PCDHGA6: variants seen among roughly 807,000 people sequenced by gnomAD.
PCDHGA6 encodes protocadherin gamma subfamily A, 6.
In PCDHGA6, 41 loss-of-function variants were observed where a neutral mutation model predicts 60.6. That is an observed-to-expected ratio of 0.68 (90% CI 0.53 to 0.88). The LOEUF is 0.88. PCDHGA6 is among the 40% of genes least tolerant of loss of function. The pLI, the probability that PCDHGA6 is intolerant of heterozygous loss-of-function variation, is 0.00. For synonymous variants in PCDHGA6, 594 were observed against 524.4 expected, an observed-to-expected ratio of 1.13 and a Z score of -1.81; for missense variants, 1,312 against 1,203.0, an observed-to-expected ratio of 1.09 and a Z score of -1.34.
intron 1 of PCDHGA6, chr5:141,423,979 G>A: frequency 9.0e-7 from 1 of 1,115,484 alleles, no homozygotes. Flanking sequence ...CAGTGTATGA[G>A]GCTCTCAATT....
At chr5:141,465,840 A>G (rs1212861707) in intron 1 of PCDHGA6, among the ~76,000 whole-genome samples, 1 of 151,734 alleles carries the variant, frequency 6.6e-6, no homozygotes, top group Non-Finnish European at 1.5e-5. Context: ...ATTTCAACTG[A>G]GGCTGGGCCC....
intron 1 of PCDHGA6, chr5:141,409,602 C>T (rs940700383): frequency 6.2e-7 from 1 of 1,613,932 alleles, no homozygotes; most frequent in South Asian, 1.1e-5. Flanking sequence ...AACAACCCGC[C>T]AGGAGCCTCC....
Position 141,432,483 on chromosome 5 carries a change from T to C in PCDHGA6, c.2424+55976T>C, listed in dbSNP as rs776090923. The C allele has an allele frequency of 6.2e-7, 1 of 1,614,136 alleles. No homozygotes were observed. The highest frequency in any genetic ancestry group is 1.1e-5 in the South Asian group (1 of 91,078). ...CTCCCCACGGACGGTTCCACTGGCG[T>C]GGAGCTGGCTCCCCGCTCCGCAGAG... On this transcript the variant is annotated intron_variant, in intron 1 of 3. Coordinates refer to ENST00000517434, the MANE Select transcript of PCDHGA6 (RefSeq NM_018919.3). The surrounding 1 kb of genome is among the most constrained non-coding windows in gnomAD (Gnocchi z 6.0).
intron 2 of PCDHGA6, among the ~76,000 whole-genome samples, chr5:141,502,866 C>CTTTTTCTT (rs2099816520): frequency 1.6e-5 from 2 of 128,030 alleles, no homozygotes; most frequent in African/African-American, 6.2e-5. Flanking sequence ...GACTCTCTGT[C>CTTTTTCTT]TTTTTTTTTT....
intron 1 of PCDHGA6, chr5:141,430,640 G>A (rs902915974): frequency 1.1e-6 from 1 of 916,196 alleles, no homozygotes; most frequent in East Asian, 2.7e-5. Flanking sequence ...ATCCCTGGGA[G>A]TATGTGGAAA....
intron 2 of PCDHGA6, among the ~76,000 whole-genome samples, chr5:141,503,166 A>T (rs1246987375): frequency 1.3e-5 from 2 of 151,884 alleles, no homozygotes; most frequent in Admixed American, 1.3e-4. Context: ...CACAATTGCA[A>T]TTACTCTATT....
At chr5:141,462,335 A>G in intron 1 of PCDHGA6, among the ~76,000 whole-genome samples, 1 of 152,220 alleles carries the variant, frequency 6.6e-6, no homozygotes, top group East Asian at 1.9e-4. Context: ...ATTTAATTGT[A>G]TTGTGATCCA....
In PCDHGA6 at chr5:141,490,594, C is replaced by A. The variant is rs1276468877; in HGVS notation, c.2425-4213C>A. The A allele has an allele frequency of 2.5e-6, 4 of 1,614,056 alleles. No individual in the cohort carries two copies. The highest frequency in any genetic ancestry group is 1.6e-4 in the Middle Eastern group (1 of 6,084). On this transcript the variant is annotated intron_variant, in intron 1 of 3. Transcript: ENST00000517434. The surrounding 1 kb of genome is among the most constrained non-coding windows in gnomAD (Gnocchi z 5.4). ...CATTTCAGATGTCAATGACAATGCA[C>A]CCCGCTTCAACCAGCAGCTTTACAC...
At chr5:141,438,633 TATAC>T (rs1373299550) in intron 1 of PCDHGA6, among the ~76,000 whole-genome samples, 3,683 of 33,472 alleles carry the variant, frequency 0.11, 56 homozygotes, top group Non-Finnish European at 0.14. Flanking sequence ...TATATATATA[TATAC>T]ACACACACAC....
At chr5:141,389,513 C>G (rs749432491) in intron 1 of PCDHGA6, 2 of 1,613,038 alleles carry the variant, frequency 1.2e-6, no homozygotes, top group African/African-American at 1.3e-5. Flanking sequence ...TCAGCGCGAA[C>G]GTGAGCCTGC....
At chr5:141,444,329 G>A (rs536314842) in intron 1 of PCDHGA6, among the ~76,000 whole-genome samples, 17 of 151,674 alleles carry the variant, frequency 1.1e-4, no homozygotes, top group Admixed American at 1.1e-3. Flanking sequence ...GTGCCACCAC[G>A]CCCAGCTAAT....
At position 141,427,736 on chromosome 5, in the gene PCDHGA6, A is replaced by G. The variant is rs781594851; in HGVS notation, c.2424+51229A>G. 3.3e-6 allele frequency: 4 copies of G among 1,214,562 alleles called. No individual in the cohort carries two copies. In the South Asian group the frequency reaches 4.9e-5, roughly 15 times the overall value. The allele number at this position is 1,214,562 out of a possible 1,614,324, so 75.2% of individuals were successfully genotyped here. ...ACCTGGACCTAGGGCTGAATGGCCA[A>G]GTCTCCTACTCCATCGTTACCACTG... On this transcript the variant is annotated intron_variant, in intron 1 of 3. Coordinates refer to ENST00000517434, the MANE Select transcript of PCDHGA6 (RefSeq NM_018919.3).
At chr5:141,438,159 T>TA (rs974013542) in intron 1 of PCDHGA6, among the ~76,000 whole-genome samples, 44 of 152,258 alleles carry the variant, frequency 2.9e-4, no homozygotes, top group African/African-American at 9.9e-4. Context: ...ATGGCAAAGC[T>TA]AATTGGAAAA....
Position 141,432,155 on chromosome 5 carries a change from C to T in PCDHGA6, c.2424+55648C>T, listed in dbSNP as rs368480052. 3.8e-5 allele frequency: 62 copies of T among 1,614,178 alleles called. No individual in the cohort carries two copies. In the African/African-American group the frequency reaches 7.1e-4, roughly 18 times the overall value. On this transcript the variant is annotated intron_variant, in intron 1 of 3. Coordinates refer to ENST00000517434, the MANE Select transcript of PCDHGA6 (RefSeq NM_018919.3). This position sits in a 1 kb window ranked among gnomAD's most constrained non-coding sequence, Gnocchi z 6.0. ...TTCCGCTTATATCCCAGAGAACAATCCCAGAGGAGTTTCCCTCGTCTCTGT... is the reference window on the plus strand; with the variant it reads ...TTCCGCTTATATCCCAGAGAACAATTCCAGAGGAGTTTCCCTCGTCTCTGT...
intron 1 of PCDHGA6, chr5:141,475,839 CAG>C: frequency 2.3e-6 from 1 of 433,254 alleles, no homozygotes; most frequent in Non-Finnish European, 4.1e-6. Flanking sequence ...GTGTCCTGCT[CAG>C]AGAGCCCGGC....
intron 1 of PCDHGA6, among the ~76,000 whole-genome samples, chr5:141,447,378 T>C (rs2098536967): frequency 6.6e-6 from 1 of 152,148 alleles, no homozygotes; most frequent in Non-Finnish European, 1.5e-5. Context: ...ACCCTGGTGA[T>C]CTGCCCACCT....
rs748591129 is a variant in PCDHGA6 at position 141,388,776 on chromosome 5, G to A, written c.2424+12269G>A. ...ATTTGACCTGAACTCTAACACCGGG[G>A]AAATTACTGTTTTAAATACATTAGA... On this transcript the variant is annotated intron_variant, in intron 1 of 3. Transcript: ENST00000517434. 8.7e-6 allele frequency: 14 copies of A among 1,613,806 alleles called. 1 individual carries two copies. In the South Asian group the frequency reaches 1.1e-4, roughly 13 times the overall value.
At position 141,477,706 on chromosome 5, in the gene PCDHGA6, G is replaced by A. The variant is rs1490514142; in HGVS notation, c.2425-17101G>A. 6 of 1,613,988 alleles carry A rather than the reference G, an allele frequency of 3.7e-6. No homozygotes were observed. Among genetic ancestry groups the A allele is most frequent in the Non-Finnish European group, 5.1e-6 (6 of 1,180,044 alleles). ...TAGTGCCCCTAGACTATGAGGATCGGCGGGAATTTGAATTAACAGCTCATA... is the reference window on the plus strand; with the variant it reads ...TAGTGCCCCTAGACTATGAGGATCGACGGGAATTTGAATTAACAGCTCATA... On this transcript the variant is annotated intron_variant, in intron 1 of 3. Transcript: ENST00000517434. This position sits in a 1 kb window ranked among gnomAD's most constrained non-coding sequence, Gnocchi z 4.9.
chr5:141,419,605 G>A, intron 1 of PCDHGA6: 1 of 1,611,776 alleles, frequency 6.2e-7, no homozygotes, highest in Non-Finnish European at 8.5e-7. Flanking sequence ...CGCGGGCCGC[G>A]CAGCCAGGCT....
Sources: gnomAD v4.1 joint callset for allele counts (sites outside exome capture counted in the v4.1 genomes callset) on GRCh38, gnomAD v4.1.1 for gene constraint, Gnocchi (gnomAD v3.1) non-coding constraint, MANE v1.5 for transcripts, NCBI Gene and HGNC (gene_info 2026-07-23, HGNC 2026-07-21) for gene names.